ABR: variants seen among roughly 807,000 people sequenced by gnomAD.
The protein encoded by ABR is active breakpoint cluster region-related protein.
ABR carries 35 observed loss-of-function variants against 107.2 expected under a neutral mutation model. That is an observed-to-expected ratio of 0.33 (90% CI 0.25 to 0.43). The LOEUF (loss-of-function observed/expected upper bound fraction) is 0.43. ABR is among the 20% of genes least tolerant of loss of function. The pLI is 1.00. For missense variants in ABR, 815 were observed against 1,115.2 expected (o/e 0.73, Z 3.83); for synonymous variants, 498 against 462.0 (o/e 1.08, Z -1.00).
At chr17:1,007,963 A>G (rs1003458257) in intron 21 of ABR, among the ~76,000 whole-genome samples, 1 of 152,238 alleles carries the variant, frequency 6.6e-6, no homozygotes, top group African/African-American at 2.4e-5. Flanking sequence ...CCCTACTTCC[A>G]GATGAGCCCG....
At chr17:1,035,216 T>A (rs1201446285) in intron 16 of ABR, among the ~76,000 whole-genome samples, 2 of 151,576 alleles carry the variant, frequency 1.3e-5, no homozygotes, top group Non-Finnish European at 2.9e-5. Flanking sequence ...GAAGTCTGAA[T>A]TCTAGTCGCT....
At chr17:1,225,380 CA>C (rs916281066) in intron 1 of ABR, among the ~76,000 whole-genome samples, 1 of 152,068 alleles carries the variant, frequency 6.6e-6, no homozygotes, top group African/African-American at 2.4e-5. Flanking sequence ...CAGCTGGGCA[CA>C]GTGGCTCAGG....
At chr17:1,229,272 T>TCGGCCCAGCTCCTTCCCCCGC (rs2043288185) in exon 1 of ABR, among the ~76,000 whole-genome samples, 1 of 151,204 alleles carries the variant, frequency 6.6e-6, no homozygotes. Flanking sequence ...GTGGACGGCG[T>TCGGCCCAGCTCCTTCCCCCGC]CGGCCCAGCT....
chr17:1,215,257 CCTCTCT>C (rs2042977201), intron 1 of ABR, among the ~76,000 whole-genome samples: 1 of 151,862 alleles, frequency 6.6e-6, no homozygotes. Context: ...TCTCCCTCTC[CCTCTCT>C]CTCCACGGTC....
intron 5 of ABR, among the ~76,000 whole-genome samples, chr17:1,080,936 A>T (rs1034199296): frequency 6.6e-6 from 1 of 152,162 alleles, no homozygotes; most frequent in African/African-American, 2.4e-5. Context: ...CTCAGCAGGA[A>T]GCAAGCACGT....
In ABR at chr17:1,069,928, AC is replaced by A. The variant is rs771546882; in HGVS notation, c.1016+40del. 4 of 887,830 alleles carry A rather than the reference AC, an allele frequency of 4.5e-6. 1 individual carries two copies. The highest frequency in any genetic ancestry group is 8.7e-4 in the Middle Eastern group (2 of 2,288). The allele number at this position is 887,830 out of a possible 1,614,324, so 55.0% of individuals were successfully genotyped here. On this transcript the variant is annotated intron_variant, in intron 9 of 22. Transcript: ENST00000302538. ...GCACACTCACCCCGCAGAGGTCCGG[AC>A]CCCCTCCCCCGCCCCGTGCCCCTGG...
chr17:1,122,084 G>A (rs896539550), intron 2 of ABR, among the ~76,000 whole-genome samples: 7 of 152,098 alleles, frequency 4.6e-5, no homozygotes, highest in African/African-American at 1.7e-4. Context: ...TGTATTTTTA[G>A]TAGAGACAGG....
Position 1,125,178 on chromosome 17 carries a change from C to A in ABR, c.246+5G>T, listed in dbSNP as rs1215196081. ...AAACCCAGAAAGAAAAGCCGGTGTA[C>A]CTACCCCAGGAGCCAGTCCCTCAGG... On this transcript the variant is annotated splice_donor_5th_base_variant and intron_variant, in intron 2 of 22. Transcript: ENST00000302538. The A allele has an allele frequency of 6.4e-7, 1 of 1,568,372 alleles. No homozygotes were observed. The highest frequency in any genetic ancestry group is 8.6e-7 in the Non-Finnish European group (1 of 1,156,750).
At chr17:1,113,890 G>A (rs1041546647) in intron 2 of ABR, among the ~76,000 whole-genome samples, 6 of 152,202 alleles carry the variant, frequency 3.9e-5, no homozygotes, top group African/African-American at 7.2e-5. Context: ...CATATAGGCC[G>A]GGTGCAGTGG....
rs2037049419 is a variant in ABR at position 1,091,840 on chromosome 17, G to T, written c.356C>A (p.Pro119His). 1 of 1,612,800 alleles carries T rather than the reference G, an allele frequency of 6.2e-7. No individual in the cohort carries two copies. The highest frequency in any genetic ancestry group is 8.5e-7 in the Non-Finnish European group (1 of 1,179,420). Residue 119 changes from proline (P) to histidine (H), a missense_variant, in exon 4 of 23, where the codon CCC becomes CAC. Coordinates refer to ENST00000302538, the MANE Select transcript of ABR (RefSeq NM_021962.5). ...QLEALLLPMK[P>H]LKATATTSQP... ...GGAGGTGGTGGCGGTGGCCTTCAGG[G>T]GTTTCATGGGCTGGGAGAAACAGAG... is the stretch of plus-strand genomic sequence containing the variant.
At chr17:1,136,332 G>T (rs1347153718) in intron 1 of ABR, among the ~76,000 whole-genome samples, 1 of 152,228 alleles carries the variant, frequency 6.6e-6, no homozygotes, top group Non-Finnish European at 1.5e-5. Flanking sequence ...AGGTTCAAGT[G>T]ATTCTCTTGC....
In ABR at chr17:1,071,330, C is replaced by T. The variant is rs2035220824; in HGVS notation, c.895-1240G>A. 6.6e-6 allele frequency among the ~76,000 whole-genome samples: 1 copy of T among 152,192 alleles called. No individual in the cohort carries two copies. Among genetic ancestry groups the T allele is most frequent in the Admixed American group, 6.5e-5 (1 of 15,276 alleles). On this transcript the variant is annotated intron_variant, in intron 8 of 22. Transcript: ENST00000302538. The surrounding 1 kb of genome is among the most constrained non-coding windows in gnomAD (Gnocchi z 5.1). ...GTGGACACTGTCCAGGCCTGTCCCTCACCACTTTCTCCCCAGGAGACCCTG... is the reference window on the plus strand; with the variant it reads ...GTGGACACTGTCCAGGCCTGTCCCTTACCACTTTCTCCCCAGGAGACCCTG...
At chr17:1,153,905 T>C (rs2040932981) in intron 1 of ABR, 2 of 189,676 alleles carry the variant, frequency 1.1e-5, no homozygotes, top group Admixed American at 6.3e-5. Context: ...TCCTTCTCAC[T>C]GGTTTGAAGC....
chr17:1,039,781 G>A (rs1277024125), intron 16 of ABR, among the ~76,000 whole-genome samples: 2 of 152,150 alleles, frequency 1.3e-5, no homozygotes, highest in African/African-American at 4.8e-5. Flanking sequence ...CAGCTGTGAG[G>A]GTGGCAAGCA....
At chr17:1,034,519 C>A (rs1039133811) in intron 16 of ABR, among the ~76,000 whole-genome samples, 1 of 152,294 alleles carries the variant, frequency 6.6e-6, no homozygotes, top group East Asian at 1.9e-4. Flanking sequence ...AGACAAAATG[C>A]CACGAACATC....
intron 9 of ABR, among the ~76,000 whole-genome samples, chr17:1,069,178 C>T (rs1400111628): frequency 6.6e-6 from 1 of 152,104 alleles, no homozygotes; most frequent in Non-Finnish European, 1.5e-5. Context: ...ACAGTGATTA[C>T]GACTGTGTGA....
chr17:1,138,455 G>C (rs759639270), intron 1 of ABR, among the ~76,000 whole-genome samples: 4 of 152,010 alleles, frequency 2.6e-5, no homozygotes, highest in Non-Finnish European at 5.9e-5. Context: ...CACTTGAAAA[G>C]CTTTTTTTTG....
rs1212457369 is a variant in ABR at position 1,157,828 on chromosome 17, T to A, written c.61+21839A>T. ...CAGGCAGACCCACGATGGGGTGCAC[T>A]CAGCCCCGTATCATTCATGCTGCAG... On this transcript the variant is annotated intron_variant, in intron 1 of 22. Coordinates refer to ENST00000302538, the MANE Select transcript of ABR (RefSeq NM_021962.5). This position sits in a 1 kb window ranked among gnomAD's most constrained non-coding sequence, Gnocchi z 4.7. Among the ~76,000 whole-genome samples the A allele has an allele frequency of 6.6e-6, 1 of 152,204 alleles. No individual in the cohort carries two copies. Among genetic ancestry groups the A allele is most frequent in the African/African-American group, 2.4e-5 (1 of 41,450 alleles).
At chr17:1,227,456 G>T (rs1179504719) in intron 1 of ABR, among the ~76,000 whole-genome samples, 1 of 152,196 alleles carries the variant, frequency 6.6e-6, no homozygotes, top group Non-Finnish European at 1.5e-5. Flanking sequence ...AGCATGGGCG[G>T]CAAGAGCATT....
Sources: gnomAD v4.1 joint callset for allele counts (sites outside exome capture counted in the v4.1 genomes callset) on GRCh38, gnomAD v4.1.1 for gene constraint, Gnocchi (gnomAD v3.1) non-coding constraint, MANE v1.5 for transcripts, NCBI Gene and HGNC (gene_info 2026-07-23, HGNC 2026-07-21) for gene names.